IL2RB: variants seen among roughly 807,000 people sequenced by gnomAD.
IL2RB encodes interleukin-2 receptor subunit beta.
IL2RB carries 17 observed loss-of-function variants against 44.2 expected under a neutral mutation model. That is an observed-to-expected ratio of 0.38 (90% CI 0.26 to 0.58). The LOEUF (loss-of-function observed/expected upper bound fraction) is 0.58. Among genes scored for constraint, IL2RB ranks in the 20% least tolerant of loss-of-function variants. IL2RB has a pLI of 0.63. For missense variants in IL2RB, 624 were observed against 685.5 expected, an observed-to-expected ratio of 0.91 and a Z score of 1.00; for synonymous variants, 286 against 297.9, an observed-to-expected ratio of 0.96 and a Z score of 0.41.
chr22:37,169,819 C>T (rs980583427), intron 1 of IL2RB, among the ~76,000 whole-genome samples: 4 of 152,196 alleles, frequency 2.6e-5, no homozygotes, highest in Non-Finnish European at 5.9e-5. Flanking sequence ...CAGAGGCCTT[C>T]CTTCTCTCCC....
chr22:37,167,474 G>A (rs62235062), intron 1 of IL2RB, among the ~76,000 whole-genome samples: 29,361 of 152,132 alleles, frequency 0.19, 3,051 homozygotes, highest in East Asian at 0.33. Flanking sequence ...AGGCCTCCTC[G>A]CCATGGAAAG....
chr22:37,135,478 T>C (rs1402725752), intron 7 of IL2RB, 36 bp from the exon 8 acceptor site: 1 of 1,373,868 alleles, frequency 7.3e-7, no homozygotes, highest in Non-Finnish European at 1.0e-6. Flanking sequence ...AGGAGAGGGG[T>C]TAGAGAAGTG....
chr22:37,136,129 G>A (rs1041391328), intron 7 of IL2RB, 99 bp downstream of exon 7: 199 of 1,307,900 alleles, frequency 1.5e-4, no homozygotes, highest in Non-Finnish European at 2.0e-4. Flanking sequence ...GGAGCTGACT[G>A]CTATACCCTC....
chr22:37,140,537 G>T (rs1178655372), intron 4 of IL2RB, among the ~76,000 whole-genome samples: 1 of 151,996 alleles, frequency 6.6e-6, no homozygotes, highest in Admixed American at 6.6e-5. Context: ...GCTAAGAAAT[G>T]GTGGAGCCAG....
chr22:37,169,922 G>A (rs1355509943), intron 1 of IL2RB, among the ~76,000 whole-genome samples: 1 of 152,182 alleles, frequency 6.6e-6, no homozygotes. Context: ...AGCATAGGAG[G>A]TGCTTAGTCA....
intron 1 of IL2RB, among the ~76,000 whole-genome samples, chr22:37,149,212 GCTT>G (rs2146252680): frequency 6.6e-6 from 1 of 152,290 alleles, no homozygotes; most frequent in African/African-American, 2.4e-5. Flanking sequence ...GTCCGGAGAT[GCTT>G]CTGACCTGTC....
At chr22:37,140,939 T>C (rs548238789) in intron 4 of IL2RB, among the ~76,000 whole-genome samples, 5 of 152,268 alleles carry the variant, frequency 3.3e-5, no homozygotes, top group African/African-American at 1.2e-4. Flanking sequence ...GGGACAGTGC[T>C]GATGTTGACC....
In IL2RB at chr22:37,127,893, G is replaced by A; in HGVS notation, c.*203C>T. ...GCAACACACACAGTTCCTGGCTCGGGCAGCAGGACCCGGGAGCAGCAGTGG... is the reference window on the plus strand; with the variant it reads ...GCAACACACACAGTTCCTGGCTCGGACAGCAGGACCCGGGAGCAGCAGTGG... On this transcript the variant is annotated 3_prime_UTR_variant, in exon 10 of 10. Transcript: ENST00000216223. 4.8e-6 allele frequency: 2 copies of A among 414,176 alleles called. No homozygotes were observed. Among genetic ancestry groups the A allele is most frequent in the Non-Finnish European group, 8.5e-6 (2 of 236,110 alleles). The allele number at this position is 414,176 out of a possible 1,614,324, so 25.7% of individuals were successfully genotyped here. A position where few individuals can be genotyped will look rare whatever the true frequency, so the allele number is the denominator to read the frequency against.
In IL2RB at chr22:37,135,249, C is replaced by T. The variant is rs3218306; in HGVS notation, c.818+79G>A. On this transcript the variant is annotated intron_variant, in intron 8 of 9. Transcript: ENST00000216223. ...GTGTGTGTGTATGTGTGCTTGTGTGCGTGTGTGTGCATGTGTGTGCATGTG... is the reference window on the plus strand; with the variant it reads ...GTGTGTGTGTATGTGTGCTTGTGTGTGTGTGTGTGCATGTGTGTGCATGTG... 6,673 of 884,510 alleles carry T rather than the reference C, an allele frequency of 7.5e-3. 264 individuals are homozygous for T. The African/African-American group carries it at 0.097, about 13-fold the overall frequency. The allele number at this position is 884,510 out of a possible 1,614,324, so 54.8% of individuals were successfully genotyped here. A position where few individuals can be genotyped will look rare whatever the true frequency, so the allele number is the denominator to read the frequency against.
intron 1 of IL2RB, among the ~76,000 whole-genome samples, chr22:37,161,494 C>G (rs1032381890): frequency 1.3e-5 from 2 of 152,014 alleles, no homozygotes; most frequent in Non-Finnish European, 2.9e-5. Context: ...TGTGACCAGG[C>G]TGCCCAATCA....
chr22:37,135,646 C>T (rs1469614895), intron 7 of IL2RB, among the ~76,000 whole-genome samples: 1 of 152,182 alleles, frequency 6.6e-6, no homozygotes, highest in East Asian at 1.9e-4. Flanking sequence ...ATTCTAAGAG[C>T]TCCTCCAGCT....
chr22:37,148,518 G>A (rs1340325787), intron 1 of IL2RB, among the ~76,000 whole-genome samples: 2 of 152,172 alleles, frequency 1.3e-5, no homozygotes, highest in Non-Finnish European at 2.9e-5. Flanking sequence ...GCCCTGCAAG[G>A]TGGGTCTTGC....
intron 8 of IL2RB, among the ~76,000 whole-genome samples, chr22:37,134,953 A>G (rs1921608556): frequency 6.6e-6 from 1 of 152,268 alleles, no homozygotes; most frequent in South Asian, 2.1e-4. Context: ...GGACCCAGAC[A>G]CAGAGACAGC....
In IL2RB at chr22:37,170,089, AATGG is replaced by A. The variant is rs541899667; in HGVS notation, c.-34+4865_-34+4868del. Among the ~76,000 whole-genome samples, 549 of 115,760 alleles carry A rather than the reference AATGG, an allele frequency of 4.7e-3. 3 individuals carry two copies. Among genetic ancestry groups the A allele is most frequent in the African/African-American group, 0.024 (516 of 21,884 alleles). 75.9% of individuals were successfully genotyped at this position (115,760 alleles called of 152,430 possible). A position where few individuals can be genotyped will look rare whatever the true frequency, so the allele number is the denominator to read the frequency against. On this transcript the variant is annotated intron_variant, in intron 1 of 5. Coordinates refer to the IL2RB transcript ENST00000429622. ...GAAGGATGGGGGAGAAGGAAGGAAGAATGGATGGATGGATGGATGGATGGATGGA... is the reference window on the plus strand; with the variant it reads ...GAAGGATGGGGGAGAAGGAAGGAAGAATGGATGGATGGATGGATGGATGGA...
intron 9 of IL2RB, 69 bp downstream of exon 9, chr22:37,132,315 A>G: frequency 8.1e-7 from 1 of 1,233,806 alleles, no homozygotes; most frequent in East Asian, 2.4e-5. Flanking sequence ...AAAATTAGCT[A>G]CTAACCTGCC....
At chr22:37,140,756 C>T (rs1455544615) in intron 4 of IL2RB, among the ~76,000 whole-genome samples, 1 of 152,172 alleles carries the variant, frequency 6.6e-6, no homozygotes, top group Non-Finnish European at 1.5e-5. Context: ...ATTTGATGTA[C>T]ACTCATATGG....
intron 4 of IL2RB, 85 bp downstream of exon 4, chr22:37,142,349 C>A: frequency 2.3e-6 from 3 of 1,278,088 alleles, no homozygotes; most frequent in South Asian, 2.4e-5. Flanking sequence ...AGCTCTTCCC[C>A]TGGCATCCGG....
At chr22:37,140,042 C>G (rs989531739) in intron 4 of IL2RB, among the ~76,000 whole-genome samples, 56 of 152,330 alleles carry the variant, frequency 3.7e-4, no homozygotes, top group Admixed American at 1.2e-3. Context: ...AACCCTACAG[C>G]CCGGCAGCCC....
At chr22:37,142,829 A>G (rs1446096541) in intron 3 of IL2RB, 4 of 483,030 alleles carry the variant, frequency 8.3e-6, no homozygotes, top group African/African-American at 7.8e-5. Context: ...CTTAGGATGA[A>G]GATAGATCCT....
Sources: allele counts gnomAD v4.1 joint callset (sites outside exome capture counted in the v4.1 genomes callset), GRCh38; gene constraint gnomAD v4.1.1; transcripts MANE v1.5; gene names NCBI Gene and HGNC (gene_info 2026-07-23, HGNC 2026-07-21).